The following UHRF2 variants were observed in gnomAD, a reference collection of about 807,000 sequenced individuals.
The protein encoded by UHRF2 is E3 ubiquitin-protein ligase UHRF2.
A neutral mutation model predicts 96.8 loss-of-function variants in UHRF2; 23 were observed. That is an observed-to-expected ratio of 0.24 (90% CI 0.17 to 0.34). The LOEUF is 0.34. Ranked by LOEUF, UHRF2 falls within the 10% of genes least tolerant of loss-of-function variation. UHRF2 has a pLI of 1.00. For missense variants in UHRF2, 685 were observed against 981.5 expected, an observed-to-expected ratio of 0.70 and a Z score of 4.04; for synonymous variants, 385 against 332.6, an observed-to-expected ratio of 1.16 and a Z score of -1.72.
intron 8 of UHRF2, among the ~76,000 whole-genome samples, chr9:6,483,043 C>T (rs775391239): frequency 6.6e-6 from 1 of 151,960 alleles, no homozygotes; most frequent in East Asian, 1.9e-4. Flanking sequence ...CACACAAGCT[C>T]AGGCTGGTGT....
At chr9:6,478,901 A>G (rs1489803112) in intron 6 of UHRF2, among the ~76,000 whole-genome samples, 2 of 151,962 alleles carry the variant, frequency 1.3e-5, no homozygotes, top group African/African-American at 4.8e-5. Flanking sequence ...GCTAATAACT[A>G]TTTCCTCTGA....
At chr9:6,414,382 TCTTA>T (rs766880480) in intron 1 of UHRF2, among the ~76,000 whole-genome samples, 8 of 152,236 alleles carry the variant, frequency 5.3e-5, no homozygotes, top group East Asian at 1.9e-4. Context: ...TGTTTGCTTT[TCTTA>T]CTTCTCGCCT....
chr9:6,419,860 C>T (rs564408735), intron 1 of UHRF2, among the ~76,000 whole-genome samples: 1 of 152,144 alleles, frequency 6.6e-6, no homozygotes. Flanking sequence ...CCACCTCAGC[C>T]TCCTGAGTAG....
At chr9:6,453,871 C>T (rs1025861487) in intron 3 of UHRF2, among the ~76,000 whole-genome samples, 24 of 152,106 alleles carry the variant, frequency 1.6e-4, no homozygotes, top group African/African-American at 5.8e-4. Context: ...TGCCATTGTA[C>T]TCCAACCTGG....
intron 14 of UHRF2, among the ~76,000 whole-genome samples, chr9:6,503,737 C>T (rs1816428331): frequency 6.6e-6 from 1 of 151,818 alleles, no homozygotes; most frequent in Non-Finnish European, 1.5e-5. Context: ...CTTTGGAATA[C>T]TGTGCAAAAC....
chr9:6,504,473 T>A (rs1376008444), intron 14 of UHRF2, 120 bp from the exon 15 acceptor site: 1 of 621,444 alleles, frequency 1.6e-6, no homozygotes, highest in Non-Finnish European at 2.8e-6. Flanking sequence ...TAAACATCTT[T>A]TATGCTGGGA....
rs559858046 is a variant in UHRF2 at position 6,420,344 on chromosome 9, C to T, written c.154-568C>T. Among the ~76,000 whole-genome samples, 22 of 151,556 alleles carry T rather than the reference C, an allele frequency of 1.5e-4. No individual in the cohort carries two copies. The South Asian group carries it at 2.7e-3, about 19-fold the overall frequency. On this transcript the variant is annotated intron_variant, in intron 1 of 15. Coordinates refer to ENST00000276893, the MANE Select transcript of UHRF2 (RefSeq NM_152896.3). ...TACTGAGATTACAGGCGTGAGCCACCGCGCCCGGCCCATTTTTTTTGTTTT... is the reference window on the plus strand; with the variant it reads ...TACTGAGATTACAGGCGTGAGCCACTGCGCCCGGCCCATTTTTTTTGTTTT...
chr9:6,495,137 G>C (rs969134676), intron 10 of UHRF2: 2 of 152,010 alleles, frequency 1.3e-5, no homozygotes, highest in Non-Finnish European at 2.9e-5. Flanking sequence ...TTTAATAATC[G>C]ATAATTTTGC....
intron 3 of UHRF2, among the ~76,000 whole-genome samples, chr9:6,434,951 C>G (rs1190010252): frequency 2.0e-5 from 3 of 151,938 alleles, no homozygotes; most frequent in Non-Finnish European, 4.4e-5. Context: ...CCACCTTAGC[C>G]TCCCAAGTAG....
At chr9:6,462,049 G>C (rs1035026036) in intron 4 of UHRF2, among the ~76,000 whole-genome samples, 3 of 151,850 alleles carry the variant, frequency 2.0e-5, no homozygotes, top group African/African-American at 7.3e-5. Context: ...GTCAAGTTCT[G>C]ATTAACTGGA....
Position 6,504,657 on chromosome 9 carries a change from C to G in UHRF2, c.2228C>G (p.Pro743Arg), listed in dbSNP as rs1221622185. The part of the protein sequence containing the change: ...CVCCQELVYQ[P>R]VTTECFHNVC... ...TGCTGTCAGGAGCTAGTTTACCAGC[C>G]TGTGACAACTGAGTGCTTCCACAAT... Residue 743 changes from proline to arginine, a missense_variant, in exon 15 of 16, where the codon CCT (proline) becomes CGT (arginine). Coordinates refer to ENST00000276893, the MANE Select transcript of UHRF2 (RefSeq NM_152896.3). The G allele has an allele frequency of 6.2e-7, 1 of 1,613,754 alleles. No homozygotes were observed. Among genetic ancestry groups the G allele is most frequent in the Admixed American group, 1.7e-5 (1 of 60,006 alleles).
At chr9:6,450,191 A>AG (rs1651537942) in intron 3 of UHRF2, among the ~76,000 whole-genome samples, 1 of 152,130 alleles carries the variant, frequency 6.6e-6, no homozygotes. Flanking sequence ...CAATGTTCAT[A>AG]GTTCCTTAAT....
rs553585650 is a variant in UHRF2, at chr9:6,434,759, G to A, written c.644+586G>A. ...TGGCCTCTATTAGGTATTTTGATAT[G>A]TATTTTAACAGTATTTTGGAAACTG... On this transcript the variant is annotated intron_variant, in intron 3 of 15. Transcript: ENST00000276893. Among the ~76,000 whole-genome samples the A allele has an allele frequency of 4.5e-4, 68 of 152,010 alleles. No individual in the cohort carries two copies. In the South Asian group the frequency reaches 0.014, roughly 32 times the overall value.
chr9:6,499,955 A>C, intron 13 of UHRF2, 24 bp downstream of exon 13: 1 of 1,519,006 alleles, frequency 6.6e-7, no homozygotes, highest in Non-Finnish European at 9.1e-7. Context: ...GCAAAATATA[A>C]ATAATAATAA....
At chr9:6,445,028 C>T (rs1821403016) in intron 3 of UHRF2, among the ~76,000 whole-genome samples, 1 of 150,536 alleles carries the variant, frequency 6.6e-6, no homozygotes, top group South Asian at 2.1e-4. Flanking sequence ...TGGTGGCTCA[C>T]ACCTGTAATC....
intron 3 of UHRF2, among the ~76,000 whole-genome samples, chr9:6,444,247 G>C (rs1211638809): frequency 6.6e-6 from 1 of 152,088 alleles, no homozygotes; most frequent in Non-Finnish European, 1.5e-5. Context: ...ATTGCTTCTT[G>C]GTTGTTATTG....
At chr9:6,455,870 G>A (rs963225097) in intron 3 of UHRF2, among the ~76,000 whole-genome samples, 2 of 152,132 alleles carry the variant, frequency 1.3e-5, no homozygotes, top group African/African-American at 2.4e-5. Context: ...TGTAGCCCCC[G>A]CTTCTTGGGA....
intron 14 of UHRF2, chr9:6,504,246 C>A: frequency 3.7e-5 from 6 of 160,254 alleles, no homozygotes; most frequent in Admixed American, 1.3e-4. Context: ...AGGATGGTGT[C>A]GATCTCCTGA....
At chr9:6,433,883 G>A in intron 2 of UHRF2, 31 bp from the exon 3 acceptor site, 8 of 1,584,316 alleles carry the variant, frequency 5.0e-6, no homozygotes, top group Non-Finnish European at 6.9e-6. Flanking sequence ...ACAAAATTAA[G>A]CTTCATTAAC....
Sources: gnomAD v4.1 joint callset for allele counts (sites outside exome capture counted in the v4.1 genomes callset) on GRCh38, gnomAD v4.1.1 for gene constraint, MANE v1.5 for transcripts, NCBI Gene and HGNC (gene_info 2026-07-23, HGNC 2026-07-21) for gene names.